DLGAP2: variants seen among roughly 807,000 people sequenced by gnomAD.
DLGAP2 encodes the protein disks large-associated protein 2.
Under a neutral mutation model 100.3 loss-of-function variants are expected in DLGAP2, and 26 were observed. The observed-to-expected ratio is 0.26, with a 90% CI of 0.19 to 0.36. DLGAP2 has a LOEUF of 0.36. DLGAP2 is among the 10% of genes least tolerant of loss of function. DLGAP2 has a pLI of 1.00. For synonymous variants in DLGAP2, 886 were observed against 630.1 expected (o/e 1.41, Z -6.08); for missense variants, 1,858 against 1,453.2 (o/e 1.28, Z -4.53).
chr8:1,684,309 T>C (rs4443686), intron 12 of DLGAP2, among the ~76,000 whole-genome samples: 14,645 of 151,996 alleles, frequency 0.096, 1,002 homozygotes, highest in East Asian at 0.23. Flanking sequence ...ATGCCCCTCA[T>C]CTGTGTGTTT....
At chr8:893,838 A>T (rs1798086037) in intron 1 of DLGAP2, among the ~76,000 whole-genome samples, 1 of 152,230 alleles carries the variant, frequency 6.6e-6, no homozygotes, top group African/African-American at 2.4e-5. Context: ...GGCCAGCAGC[A>T]TGGGGCCCGA....
chr8:1,477,222 C>T (rs796227530), intron 3 of DLGAP2, among the ~76,000 whole-genome samples: 5 of 152,308 alleles, frequency 3.3e-5, no homozygotes, highest in African/African-American at 1.2e-4. Context: ...AGAGATCCCA[C>T]CCACCCTCTT....
At chr8:1,196,553 A>T (rs1797753157) in intron 2 of DLGAP2, among the ~76,000 whole-genome samples, 1 of 152,218 alleles carries the variant, frequency 6.6e-6, no homozygotes, top group African/African-American at 2.4e-5. Flanking sequence ...TCAGCTGATA[A>T]GCAAAAGAAT....
chr8:1,027,570 C>T (rs1395737865), intron 2 of DLGAP2, among the ~76,000 whole-genome samples: 3 of 144,602 alleles, frequency 2.1e-5, no homozygotes, highest in South Asian at 2.3e-4. Context: ...GCCAAGCGCC[C>T]GTTATTCTCC....
intron 2 of DLGAP2, among the ~76,000 whole-genome samples, chr8:1,065,711 G>A (rs571619186): frequency 3.3e-5 from 5 of 152,236 alleles, no homozygotes; most frequent in Admixed American, 6.5e-5. Context: ...GCTGAACGTC[G>A]GCACTTCTGG....
chr8:1,330,877 C>T (rs1039089260), intron 3 of DLGAP2, among the ~76,000 whole-genome samples: 9 of 145,716 alleles, frequency 6.2e-5, no homozygotes, highest in African/African-American at 2.1e-4. Context: ...GTGGGAGCAT[C>T]GCTTCACGGG....
rs964621298 is a variant in DLGAP2, at chr8:758,185, G to A, written c.18+20360G>A. ...ATGGCCAGGTGGACAGTGAAGCCAG[G>A]ACTGATGGAGGGGCCCCTGTATTGT... On this transcript the variant is annotated intron_variant, in intron 1 of 14. Coordinates refer to ENST00000637795, the MANE Select transcript of DLGAP2 (RefSeq NM_001346810.2). Among the ~76,000 whole-genome samples the A allele has an allele frequency of 2.0e-5, 3 of 152,184 alleles. No homozygotes were observed. The East Asian group carries it at 5.8e-4, about 29-fold the overall frequency.
chr8:1,695,068 GCT>G (rs1799348521), intron 13 of DLGAP2, among the ~76,000 whole-genome samples: 1 of 152,224 alleles, frequency 6.6e-6, no homozygotes, highest in Non-Finnish European at 1.5e-5. Context: ...GGCGATGCCT[GCT>G]CTCAGGCAGC....
intron 2 of DLGAP2, among the ~76,000 whole-genome samples, chr8:940,934 G>A (rs1460514732): frequency 1.3e-5 from 2 of 152,148 alleles, no homozygotes; most frequent in African/African-American, 2.4e-5. Flanking sequence ...CAGAGCGGGC[G>A]TAGGGTACCA....
chr8:741,720 T>G (rs1309742885), intron 1 of DLGAP2, among the ~76,000 whole-genome samples: 1 of 152,228 alleles, frequency 6.6e-6, no homozygotes, highest in Non-Finnish European at 1.5e-5. Context: ...CAGCTCCCCT[T>G]AGGGAACACC....
At chr8:1,596,772 A>G (rs1002701140) in intron 6 of DLGAP2, among the ~76,000 whole-genome samples, 1 of 152,100 alleles carries the variant, frequency 6.6e-6, no homozygotes, top group South Asian at 2.1e-4. Context: ...GATTCTGGAT[A>G]TTAGCCCTTT....
chr8:1,280,861 C>T (rs1210307710), intron 3 of DLGAP2, among the ~76,000 whole-genome samples: 1 of 152,208 alleles, frequency 6.6e-6, no homozygotes, highest in Non-Finnish European at 1.5e-5. Context: ...TAGGTATCTT[C>T]AGGTCTATCC....
At chr8:1,439,022 C>G (rs1196904731) in intron 3 of DLGAP2, among the ~76,000 whole-genome samples, 2 of 152,096 alleles carry the variant, frequency 1.3e-5, no homozygotes, top group African/African-American at 4.8e-5. Flanking sequence ...TTTTATGAAG[C>G]TTATGAAGAA....
At chr8:1,688,967 C>A (rs1311552249) in intron 12 of DLGAP2, among the ~76,000 whole-genome samples, 1 of 152,128 alleles carries the variant, frequency 6.6e-6, no homozygotes, top group African/African-American at 2.4e-5. Flanking sequence ...GGTTCTTTTT[C>A]CCGAAAGTCG....
intron 6 of DLGAP2, among the ~76,000 whole-genome samples, chr8:1,577,276 A>AT (rs1397166255): frequency 6.6e-6 from 1 of 152,204 alleles, no homozygotes; most frequent in African/African-American, 2.4e-5. Context: ...TACGATAAAA[A>AT]TTTTTTAAGG....
chr8:1,565,732 A>C lies in DLGAP2; in HGVS notation c.1280A>C (p.Glu427Ala), dbSNP rs1207430650. 1 of 1,613,692 alleles carries C rather than the reference A, an allele frequency of 6.2e-7. No individual in the cohort carries two copies. The highest frequency in any genetic ancestry group is 8.5e-7 in the Non-Finnish European group (1 of 1,179,804). ...TACCCCACCGGTGGCAAAGATGAGGAGATTCCCTGCAGGAGAATGAGAAGT... is the reference window on the plus strand; with the variant it reads ...TACCCCACCGGTGGCAAAGATGAGGCGATTCCCTGCAGGAGAATGAGAAGT... ...GGYPTGGKDE[E>A]IPCRRMRSGS... is the part of the protein sequence containing the mutation. The change falls in exon 6 of 15, where the codon GAG (glutamate) becomes GCG (alanine). Residue 427 changes from glutamate to alanine, a missense_variant. Transcript: ENST00000637795.
chr8:793,955 C>T (rs989698806), intron 1 of DLGAP2, among the ~76,000 whole-genome samples: 1 of 152,136 alleles, frequency 6.6e-6, no homozygotes, highest in South Asian at 2.1e-4. Flanking sequence ...CCATACGACT[C>T]CAGGCATCTG....
intron 3 of DLGAP2, among the ~76,000 whole-genome samples, chr8:1,284,846 C>G (rs1442802123): frequency 6.6e-6 from 1 of 152,148 alleles, no homozygotes; most frequent in Admixed American, 6.6e-5. Flanking sequence ...TCTGGCCTCC[C>G]ACCTCAAAGT....
intron 2 of DLGAP2, among the ~76,000 whole-genome samples, chr8:1,057,860 TA>T (rs375777011): frequency 9.5e-5 from 14 of 147,628 alleles, no homozygotes; most frequent in Admixed American, 1.3e-4. Flanking sequence ...GCTGGAGAAA[TA>T]AAAAAAAAAG....
Sources: allele counts gnomAD v4.1 joint callset (sites outside exome capture counted in the v4.1 genomes callset), GRCh38; gene constraint gnomAD v4.1.1; transcripts MANE v1.5; gene names NCBI Gene and HGNC (gene_info 2026-07-23, HGNC 2026-07-21).